TENM3: variants seen among roughly 807,000 people sequenced by gnomAD.
TENM3 encodes teneurin transmembrane protein 3.
TENM3 carries 63 observed loss-of-function variants against 255.1 expected under a neutral mutation model. That is an observed-to-expected ratio of 0.25 (90% CI 0.20 to 0.30). TENM3 has a LOEUF of 0.30. TENM3 is among the 10% of genes least tolerant of loss of function. TENM3 has a pLI of 1.00. For missense variants in TENM3, 2,929 were observed against 3,461.1 expected (o/e 0.85, Z 3.86); for synonymous variants, 1,306 against 1,322.3 (o/e 0.99, Z 0.27).
At chr4:182,120,047 C>A in the TENM3 span, among the ~76,000 whole-genome samples, 1 of 151,236 alleles carries the variant, frequency 6.6e-6, no homozygotes, top group Non-Finnish European at 1.5e-5. Context: ...TGTGAGTCCA[C>A]TGACAGTTTT....
At chr4:182,066,599 A>ATATATATAT in the TENM3 span, among the ~76,000 whole-genome samples, 68 of 137,110 alleles carry the variant, frequency 5.0e-4, no homozygotes, top group Middle Eastern at 7.5e-3. Flanking sequence ...GTAAAAAAAA[A>ATATATATAT]ATATATATAT....
chr4:181,531,026 G>A, the TENM3 span, among the ~76,000 whole-genome samples: 6 of 152,106 alleles, frequency 3.9e-5, no homozygotes, highest in Non-Finnish European at 1.5e-5. Flanking sequence ...CTTTGAGAGT[G>A]TATCATGCCT....
At chr4:182,775,771 C>G (rs892082573) in intron 24 of TENM3, among the ~76,000 whole-genome samples, 1 of 152,170 alleles carries the variant, frequency 6.6e-6, no homozygotes, top group African/African-American at 2.4e-5. Context: ...AAAGACACAG[C>G]ACCTAACTAG....
chr4:182,171,669 A>G (rs961384667), intron 1 of TENM3, among the ~76,000 whole-genome samples: 2 of 152,204 alleles, frequency 1.3e-5, no homozygotes, highest in Non-Finnish European at 2.9e-5. Context: ...TTCAGTGCCA[A>G]GTATGTTTTC....
the TENM3 span, among the ~76,000 whole-genome samples, chr4:181,561,498 G>A: frequency 5.9e-5 from 9 of 152,196 alleles, no homozygotes; most frequent in South Asian, 8.3e-4. Flanking sequence ...AAGATTATTC[G>A]TAATTTCACC....
At chr4:182,459,557 G>A (rs1435258082) in intron 3 of TENM3, among the ~76,000 whole-genome samples, 1 of 152,052 alleles carries the variant, frequency 6.6e-6, no homozygotes, top group Non-Finnish European at 1.5e-5. Context: ...GTCTGTGAAT[G>A]TATGATAATA....
chr4:181,737,675 G>T, the TENM3 span, among the ~76,000 whole-genome samples: 1 of 152,002 alleles, frequency 6.6e-6, no homozygotes, highest in African/African-American at 2.4e-5. Flanking sequence ...GGATTCCTTG[G>T]AAAACAGATT....
At chr4:182,040,624 C>CAAT in the TENM3 span, among the ~76,000 whole-genome samples, 1 of 152,170 alleles carries the variant, frequency 6.6e-6, no homozygotes, top group Non-Finnish European at 1.5e-5. Flanking sequence ...TCACAGTTTT[C>CAAT]AATTTCCCAA....
the TENM3 span, among the ~76,000 whole-genome samples, chr4:181,913,237 C>A: frequency 8.6e-5 from 13 of 152,046 alleles, no homozygotes; most frequent in African/African-American, 3.1e-4. Context: ...CTGAGAAGAA[C>A]TGAATGATTT....
At chr4:182,021,333 G>C in the TENM3 span, among the ~76,000 whole-genome samples, 1 of 152,082 alleles carries the variant, frequency 6.6e-6, no homozygotes, top group Non-Finnish European at 1.5e-5. Context: ...CACCTATGGT[G>C]ATTCCATGTC....
chr4:182,156,271 C>A (rs1419729471), intron 1 of TENM3, among the ~76,000 whole-genome samples: 1 of 152,174 alleles, frequency 6.6e-6, no homozygotes, highest in Non-Finnish European at 1.5e-5. Context: ...TTCTCCAGAA[C>A]AAGTGCATTT....
At chr4:182,554,906 C>T (rs1404616006) in intron 3 of TENM3, among the ~76,000 whole-genome samples, 3 of 148,306 alleles carry the variant, frequency 2.0e-5, no homozygotes, top group Non-Finnish European at 3.0e-5. Flanking sequence ...ACATGATGTA[C>T]GTTTCTCTAA....
intron 3 of TENM3, among the ~76,000 whole-genome samples, chr4:182,455,088 G>T (rs1033764377): frequency 1.3e-5 from 2 of 152,094 alleles, no homozygotes; most frequent in African/African-American, 4.8e-5. Context: ...TTATCATCAT[G>T]CTATGAATTA....
the TENM3 span, among the ~76,000 whole-genome samples, chr4:182,071,501 A>G: frequency 4.9e-5 from 7 of 144,208 alleles, no homozygotes; most frequent in Admixed American, 4.3e-4. Context: ...GCTGGAGTGC[A>G]GTGGCGCGAT....
the TENM3 span, among the ~76,000 whole-genome samples, chr4:181,759,724 A>ATGTGTGTGTGTGTG: frequency 3.1e-4 from 46 of 146,620 alleles, no homozygotes; most frequent in South Asian, 1.1e-3. Flanking sequence ...CAATCAACAG[A>ATGTGTGTGTGTGTG]TGTGTGTGTG....
chr4:181,870,373 C>T, the TENM3 span, among the ~76,000 whole-genome samples: 7 of 152,132 alleles, frequency 4.6e-5, no homozygotes, highest in African/African-American at 1.7e-4. Flanking sequence ...TAGCTTATAA[C>T]ACACTGTCTA....
At chr4:182,542,943 T>A (rs1351221892) in intron 3 of TENM3, among the ~76,000 whole-genome samples, 1 of 152,226 alleles carries the variant, frequency 6.6e-6, no homozygotes. Flanking sequence ...TTAAAGAGGT[T>A]TGTATGACTC....
At chr4:181,695,908 G>A in the TENM3 span, among the ~76,000 whole-genome samples, 5 of 151,824 alleles carry the variant, frequency 3.3e-5, no homozygotes, top group Non-Finnish European at 5.9e-5. Flanking sequence ...TAGGCTAAGT[G>A]CTTTCTAGAG....
chr4:181,995,098 A>C, the TENM3 span, among the ~76,000 whole-genome samples: 1 of 152,048 alleles, frequency 6.6e-6, no homozygotes, highest in African/African-American at 2.4e-5. Context: ...AGACTAGCCT[A>C]GCCAACACGG....
Sources: gnomAD v4.1 joint callset for allele counts (sites outside exome capture counted in the v4.1 genomes callset) on GRCh38, gnomAD v4.1.1 for gene constraint, MANE v1.5 for transcripts, NCBI Gene and HGNC (gene_info 2026-07-23, HGNC 2026-07-21) for gene names.